Variants in DNAAF6 observed in about 807,000 individuals in gnomAD.
DNAAF6 encodes PIH1 domain containing 3.
A neutral mutation model predicts 13.7 loss-of-function variants in DNAAF6; 3 were observed. The ratio of observed to expected loss-of-function variants is 0.22; its 90% CI spans 0.10 to 0.56. DNAAF6 has a LOEUF of 0.56. Ranked by LOEUF, DNAAF6 falls within the 20% of genes least tolerant of loss-of-function variation. The probability of loss-of-function intolerance (pLI) is 0.92; values close to 1 mark genes in which losing one functional copy is unlikely to be tolerated. For synonymous variants in DNAAF6, 54 were observed against 49.2 expected (o/e 1.10, Z -0.41); for missense variants, 130 against 151.0 (o/e 0.86, Z 0.73).
At position 107,235,504 on chromosome X, in the gene DNAAF6, C is replaced by T. The variant is rs147751360; in HGVS notation, c.430-3418C>T. On this transcript the variant is annotated intron_variant, in intron 5 of 6. Coordinates refer to ENST00000372453, the MANE Select transcript of DNAAF6 (RefSeq NM_173494.2). ...TGGATCCTTTACTCTGGGGAGAATA[C>T]AGCTGTTGTATCCTAAGGACACTCA... Among the ~76,000 whole-genome samples, 3 of 111,533 alleles carry T rather than the reference C, an allele frequency of 2.7e-5. No individual in the cohort carries two copies. In the East Asian group the frequency reaches 8.4e-4, roughly 31 times the overall value.
At chrX:107,237,671 T>C (rs1227116282) in intron 5 of DNAAF6, among the ~76,000 whole-genome samples, 1 of 112,081 alleles carries the variant, frequency 8.9e-6, no homozygotes, top group Non-Finnish European at 1.9e-5. Context: ...ACCACCAATC[T>C]CTTTTCTGTC....
At chrX:107,216,915 T>C (rs183546805) in intron 3 of DNAAF6, among the ~76,000 whole-genome samples, 172 bp downstream of exon 3, 2 of 111,725 alleles carry the variant, frequency 1.8e-5, no homozygotes, top group East Asian at 5.6e-4. Context: ...TCATCACAAG[T>C]AAATGATAAG....
intron 2 of DNAAF6, among the ~76,000 whole-genome samples, chrX:107,215,910 G>C (rs1158745761): frequency 9.0e-6 from 1 of 111,695 alleles, no homozygotes. Context: ...AAGAATCCCT[G>C]AGACGGGCCA....
At chrX:107,230,306 C>T (rs948664870) in intron 5 of DNAAF6, among the ~76,000 whole-genome samples, 3 of 111,773 alleles carry the variant, frequency 2.7e-5, no homozygotes, top group South Asian at 3.8e-4. Context: ...ACCATTCTGA[C>T]GAGTCTCTAA....
intron 5 of DNAAF6, among the ~76,000 whole-genome samples, chrX:107,230,639 C>T (rs188256279): frequency 1.8e-5 from 2 of 112,038 alleles, no homozygotes; most frequent in Non-Finnish European, 3.8e-5. Context: ...GCAGAGATCA[C>T]GCCATTACAC....
rs1927994428 is a variant in DNAAF6, at chrX:107,216,678, G to A, written c.161G>A (p.Gly54Asp). 1 of 1,193,314 alleles carries A rather than the reference G, an allele frequency of 8.4e-7. No individual in the cohort carries two copies. The highest frequency in any genetic ancestry group is 1.8e-5 in the South Asian group (1 of 54,306). Reference protein sequence around the residue: ...EDDSDYGQTNGLSTIGAMGPG... With the variant: ...EDDSDYGQTNDLSTIGAMGPG... Reference sequence around the variant, plus strand: ...CTTTTTCTCCTCCCTCAGACAAATGGTTTATCTACTATTGGAGCCATGGGT... The same window carrying A: ...CTTTTTCTCCTCCCTCAGACAAATGATTTATCTACTATTGGAGCCATGGGT... Residue 54 changes from glycine (G) to aspartate (D), a missense_variant, in exon 3 of 7, where the codon GGT (glycine) becomes GAT (aspartate). Physicochemically the swap from Gly to Asp is moderately conservative, Grantham distance 94. Coordinates refer to ENST00000372453, the MANE Select transcript of DNAAF6 (RefSeq NM_173494.2).
At chrX:107,220,961 C>T (rs868779271) in intron 4 of DNAAF6, among the ~76,000 whole-genome samples, 24 of 55,185 alleles carry the variant, frequency 4.3e-4, no homozygotes, top group African/African-American at 1.8e-3. Context: ...CTTTCTTTTT[C>T]TTTCTTTCTT....
chrX:107,217,597 C>A (rs1928023854), intron 3 of DNAAF6, among the ~76,000 whole-genome samples: 1 of 111,982 alleles, frequency 8.9e-6, no homozygotes, highest in Non-Finnish European at 1.9e-5. Context: ...TTTTACATTT[C>A]CCCAGCATTT....
chrX:107,234,762 G>A (rs191298384), intron 5 of DNAAF6, among the ~76,000 whole-genome samples: 8 of 111,655 alleles, frequency 7.2e-5, no homozygotes, highest in South Asian at 3.8e-4. Flanking sequence ...TATTCTTATC[G>A]TGGTGATGAA....
intron 5 of DNAAF6, among the ~76,000 whole-genome samples, chrX:107,223,541 G>A (rs1928194827): frequency 9.0e-6 from 1 of 111,152 alleles, no homozygotes; most frequent in Non-Finnish European, 1.9e-5. Context: ...CCAGAGTGTG[G>A]AATTTGATTC....
At chrX:107,211,962 C>T (rs1453357854) in intron 1 of DNAAF6, among the ~76,000 whole-genome samples, 1 of 111,749 alleles carries the variant, frequency 8.9e-6, no homozygotes, top group East Asian at 2.8e-4. Flanking sequence ...CAGTGTATAA[C>T]CTTCCAAATG....
intron 5 of DNAAF6, among the ~76,000 whole-genome samples, chrX:107,228,547 G>GT (rs1928305507): frequency 9.5e-6 from 1 of 105,609 alleles, no homozygotes. Context: ...TGAACAAACA[G>GT]TAAAAAAAAA....
chrX:107,243,044 C>T, intron 6 of DNAAF6, 125 bp from the exon 7 acceptor site: 1 of 713,160 alleles, frequency 1.4e-6, no homozygotes, highest in Non-Finnish European at 2.0e-6. Flanking sequence ...AATATTTACA[C>T]TATCTAAATA....
At chrX:107,219,798 G>T (rs1310717600) in intron 4 of DNAAF6, among the ~76,000 whole-genome samples, 1 of 91,109 alleles carries the variant, frequency 1.1e-5, no homozygotes, top group Non-Finnish European at 2.0e-5. Context: ...AAACTATCCA[G>T]TATTTTTTTT....
intron 2 of DNAAF6, among the ~76,000 whole-genome samples, chrX:107,213,855 T>C (rs1927917269): frequency 8.9e-6 from 1 of 111,895 alleles, no homozygotes; most frequent in African/African-American, 3.2e-5. Context: ...ATTATTTTAA[T>C]GAAGTGTTTT....
intron 5 of DNAAF6, among the ~76,000 whole-genome samples, chrX:107,224,518 G>A (rs1928214280): frequency 9.0e-6 from 1 of 111,332 alleles, no homozygotes; most frequent in South Asian, 3.8e-4. Flanking sequence ...TACAGTAAAG[G>A]AGATTGACAC....
At chrX:107,235,489 A>G (rs139465548) in intron 5 of DNAAF6, among the ~76,000 whole-genome samples, 2,192 of 111,104 alleles carry the variant, frequency 0.02, 58 homozygotes, top group African/African-American at 0.068. Flanking sequence ...TGGATCCTTT[A>G]CTCTGGGGAG....
chrX:107,218,344 T>A (rs753361291), intron 3 of DNAAF6, among the ~76,000 whole-genome samples: 2 of 112,341 alleles, frequency 1.8e-5, no homozygotes, highest in East Asian at 5.6e-4. Context: ...GAGAATTATG[T>A]CATGCTTGCA....
intron 1 of DNAAF6, among the ~76,000 whole-genome samples, chrX:107,212,668 G>C (rs1448210368): frequency 9.0e-6 from 1 of 111,456 alleles, no homozygotes; most frequent in East Asian, 2.8e-4. Context: ...AGTAAAGCAG[G>C]CTGAATGTTT....
Sources: allele counts gnomAD v4.1 joint callset (sites outside exome capture counted in the v4.1 genomes callset), GRCh38; gene constraint gnomAD v4.1.1; transcripts MANE v1.5; gene names NCBI Gene and HGNC (gene_info 2026-07-23, HGNC 2026-07-21).